The following DDAH1 variants were observed in gnomAD, a reference collection of about 807,000 sequenced individuals.
DDAH1 encodes N(G),N(G)-dimethylarginine dimethylaminohydrolase 1.
Under a neutral mutation model 28.8 loss-of-function variants are expected in DDAH1, and 19 were observed. That is an observed-to-expected ratio of 0.66 (90% CI 0.46 to 0.97). DDAH1 has a LOEUF of 0.97. Among genes scored for constraint, DDAH1 ranks in the 50% least tolerant of loss-of-function variants. The probability of loss-of-function intolerance (pLI) is 0.00; values close to 1 mark genes in which losing one functional copy is unlikely to be tolerated. For synonymous variants in DDAH1, 153 were observed against 154.4 expected (o/e 0.99, Z 0.07); for missense variants, 326 against 375.9 (o/e 0.87, Z 1.10).
At position 85,531,560 on chromosome 1, in the gene DDAH1, A is replaced by G. The variant is rs1203195702; in HGVS notation, c.-122-35279T>C. ...TGCACTGTGTCTTAACATTTCGAAT[A>G]TCTCTCATGTGTATTACATTCCTCA... On this transcript the variant is annotated intron_variant, in intron 1 of 6. Coordinates refer to the DDAH1 transcript ENST00000426972. 1.8e-4 allele frequency among the ~76,000 whole-genome samples: 28 copies of G among 151,704 alleles called. 1 individual carries two copies. Among genetic ancestry groups the G allele is most frequent in the African/African-American group, 6.8e-4 (28 of 41,320 alleles).
At chr1:85,570,364 T>TCACACACACACA (rs35259175) in intron 1 of DDAH1, among the ~76,000 whole-genome samples, 4,225 of 145,506 alleles carry the variant, frequency 0.029, 88 homozygotes, top group African/African-American at 0.046. Context: ...ACACACACTG[T>TCACACACACACA]CACACACACA....
At chr1:85,479,387 A>C (rs995327397) in intron 2 of DDAH1, among the ~76,000 whole-genome samples, 24 of 151,694 alleles carry the variant, frequency 1.6e-4, no homozygotes, top group African/African-American at 5.8e-4. Context: ...GTTAGCCAGG[A>C]TGGTCTCGAT....
intron 1 of DDAH1, among the ~76,000 whole-genome samples, chr1:85,520,973 T>A (rs1272803090): frequency 6.6e-6 from 1 of 152,136 alleles, no homozygotes; most frequent in Non-Finnish European, 1.5e-5. Flanking sequence ...AAATGGGAAA[T>A]GCTGATGGAG....
chr1:85,455,329 T>C (rs2100677570), intron 1 of DDAH1, among the ~76,000 whole-genome samples: 1 of 152,342 alleles, frequency 6.6e-6, no homozygotes, highest in South Asian at 2.1e-4. Context: ...AATTCATTAA[T>C]TTCACCTTTT....
At chr1:85,478,999 T>C (rs1018517304) in intron 2 of DDAH1, among the ~76,000 whole-genome samples, 3 of 152,168 alleles carry the variant, frequency 2.0e-5, no homozygotes, top group Non-Finnish European at 4.4e-5. Flanking sequence ...AAAGAAATTA[T>C]ATTTTTATTG....
At chr1:85,461,478 A>G in intron 1 of DDAH1, among the ~76,000 whole-genome samples, 1 of 152,196 alleles carries the variant, frequency 6.6e-6, no homozygotes, top group East Asian at 1.9e-4. Context: ...TTTTATAAAA[A>G]CAAACAAAAC....
At chr1:85,548,400 C>T (rs1360420142) in intron 1 of DDAH1, among the ~76,000 whole-genome samples, 10 of 152,186 alleles carry the variant, frequency 6.6e-5, no homozygotes, top group Non-Finnish European at 2.9e-5. Flanking sequence ...GACTCCAAAG[C>T]TTGTACTATA....
At chr1:85,387,959 G>C (rs1452556279) in intron 1 of DDAH1, among the ~76,000 whole-genome samples, 1 of 152,040 alleles carries the variant, frequency 6.6e-6, no homozygotes, top group African/African-American at 2.4e-5. Context: ...AGGAAGCAAC[G>C]GAACTTGGGG....
chr1:85,438,637 C>T (rs1654048540), intron 1 of DDAH1, among the ~76,000 whole-genome samples: 1 of 152,158 alleles, frequency 6.6e-6, no homozygotes, highest in African/African-American at 2.4e-5. Flanking sequence ...CATGTTATAC[C>T]ACCAAGTCCT....
upstream of DDAH1, among the ~76,000 whole-genome samples, chr1:85,466,495 C>A (rs893387088): frequency 1.3e-5 from 2 of 152,184 alleles, no homozygotes; most frequent in African/African-American, 4.8e-5. Flanking sequence ...GTGATCCACC[C>A]GCCTCCACCT....
intron 1 of DDAH1, among the ~76,000 whole-genome samples, chr1:85,462,600 A>AT (rs35862161): frequency 0.94 from 142,480 of 152,236 alleles, 66,764 homozygotes; most frequent in Middle Eastern, 0.96. Flanking sequence ...CATTTCATTC[A>AT]TCATTCATTC....
rs567883244 is a variant in DDAH1 at position 85,321,390 on chromosome 1, G to A, written c.*62C>T. On this transcript the variant is annotated 3_prime_UTR_variant, in exon 6 of 6. Transcript: ENST00000284031. The stretch of plus-strand genomic sequence containing the variant: ...GATTGTCAAGGAAAACAACAGGAGT[G>A]GGCACAGAGTCATCGGCCTTGCCTG... The A allele has an allele frequency of 1.1e-5, 11 of 1,008,344 alleles. No homozygotes were observed. In the East Asian group the frequency reaches 2.4e-4, roughly 22 times the overall value. The allele number at this position is 1,008,344 out of a possible 1,614,324, so 62.5% of individuals were successfully genotyped here.
At chr1:85,447,785 T>C (rs1257626487) in intron 1 of DDAH1, 1 of 152,216 alleles carries the variant, frequency 6.6e-6, no homozygotes, top group Non-Finnish European at 1.5e-5. Context: ...TGTCTGAATT[T>C]CCTCATCAAC....
chr1:85,389,496 G>C lies in DDAH1; in HGVS notation c.304-30649C>G, dbSNP rs550831048. Among the ~76,000 whole-genome samples the C allele has an allele frequency of 2.0e-5, 3 of 152,278 alleles. No individual in the cohort carries two copies. In the South Asian group the frequency reaches 6.2e-4, roughly 32 times the overall value. On this transcript the variant is annotated intron_variant, in intron 1 of 5. Transcript: ENST00000284031. ...TTATCCATTCACTGAACAGATGTGT[G>C]TTGAGTGGCTGATGCTGTCTCAGAC...
chr1:85,449,382 G>A (rs1654568270), intron 1 of DDAH1, among the ~76,000 whole-genome samples: 1 of 152,152 alleles, frequency 6.6e-6, no homozygotes, highest in African/African-American at 2.4e-5. Flanking sequence ...ACCAACAAAA[G>A]GGGTCAAGAT....
intron 1 of DDAH1, among the ~76,000 whole-genome samples, chr1:85,555,389 G>C (rs72944610): frequency 0.034 from 5,243 of 152,214 alleles, 277 homozygotes; most frequent in African/African-American, 0.12. Context: ...GGAAGGTTAC[G>C]GGATTCATCC....
intron 1 of DDAH1, among the ~76,000 whole-genome samples, chr1:85,517,810 C>T (rs1451104799): frequency 1.3e-5 from 2 of 152,098 alleles, no homozygotes; most frequent in East Asian, 3.9e-4. Context: ...CGAGCTTGTG[C>T]CATTACATCC....
intron 1 of DDAH1, among the ~76,000 whole-genome samples, chr1:85,518,740 A>G (rs2100759638): frequency 6.6e-6 from 1 of 152,334 alleles, no homozygotes; most frequent in East Asian, 1.9e-4. Context: ...TTTGCCATGT[A>G]AGATAAACTC....
At chr1:85,359,766 T>C (rs892265920) in intron 1 of DDAH1, among the ~76,000 whole-genome samples, 1 of 152,188 alleles carries the variant, frequency 6.6e-6, no homozygotes, top group African/African-American at 2.4e-5. Context: ...CCAATGAATA[T>C]TTGAAAATAA....
Sources: allele counts gnomAD v4.1 joint callset (sites outside exome capture counted in the v4.1 genomes callset), GRCh38; gene constraint gnomAD v4.1.1; transcripts MANE v1.5; gene names NCBI Gene and HGNC (gene_info 2026-07-23, HGNC 2026-07-21).